The following PCED1B variants were observed in gnomAD, a reference collection of about 807,000 sequenced individuals.
PCED1B encodes the protein PC-esterase domain containing 1B.
For missense variants in PCED1B, 573 were observed against 573.9 expected (o/e 1.00, Z 0.02); for synonymous variants, 251 against 246.1 (o/e 1.02, Z -0.19).
At chr12:47,104,645 C>T (rs1938865197) in intron 2 of PCED1B, among the ~76,000 whole-genome samples, 1 of 152,164 alleles carries the variant, frequency 6.6e-6, no homozygotes, top group South Asian at 2.1e-4. Flanking sequence ...AGGGAAAAAA[C>T]CCAAGTAGTC....
chr12:47,132,530 C>T (rs1302422073), intron 2 of PCED1B, among the ~76,000 whole-genome samples: 1 of 152,114 alleles, frequency 6.6e-6, no homozygotes, highest in Non-Finnish European at 1.5e-5. Flanking sequence ...ATCCATCTCA[C>T]CCAGGATGGT....
chr12:47,112,493 A>G (rs1172357643), intron 2 of PCED1B, among the ~76,000 whole-genome samples: 4 of 152,234 alleles, frequency 2.6e-5, no homozygotes, highest in Non-Finnish European at 4.4e-5. Context: ...GGAGGAAATG[A>G]AGCAACCACT....
At chr12:47,201,791 G>T (rs1942772698) in intron 2 of PCED1B, among the ~76,000 whole-genome samples, 1 of 151,934 alleles carries the variant, frequency 6.6e-6, no homozygotes, top group Non-Finnish European at 1.5e-5. Flanking sequence ...TAGAGATGGG[G>T]GTCTCACCAT....
chr12:47,135,290 T>TTTTTTA (rs1045775734), intron 2 of PCED1B, among the ~76,000 whole-genome samples: 2 of 152,190 alleles, frequency 1.3e-5, no homozygotes, highest in Non-Finnish European at 2.9e-5. Flanking sequence ...GAAAGTTAAT[T>TTTTTTA]TTTTTATTTT....
chr12:47,142,601 T>G (rs1000565362), intron 2 of PCED1B, among the ~76,000 whole-genome samples: 26 of 149,694 alleles, frequency 1.7e-4, no homozygotes, highest in Admixed American at 1.1e-3. Context: ...AAATGAGAAG[T>G]GTAATAAAGA....
chr12:47,114,469 C>T (rs1939333576), intron 2 of PCED1B, among the ~76,000 whole-genome samples: 1 of 152,188 alleles, frequency 6.6e-6, no homozygotes, highest in Non-Finnish European at 1.5e-5. Context: ...TCTGCTCTGT[C>T]GCCTTAGAAC....
At chr12:47,138,467 C>T (rs1940471481) in intron 2 of PCED1B, 2 of 152,310 alleles carry the variant, frequency 1.3e-5, no homozygotes, top group Middle Eastern at 3.4e-3. Flanking sequence ...TTGGTCTTGC[C>T]TTATGCATGA....
intron 2 of PCED1B, among the ~76,000 whole-genome samples, chr12:47,133,433 T>A (rs1387729774): frequency 6.6e-6 from 1 of 152,174 alleles, no homozygotes; most frequent in Non-Finnish European, 1.5e-5. Flanking sequence ...CATGTAATGT[T>A]CAGGTCAGCA....
chr12:47,226,443 G>A (rs979141575), intron 3 of PCED1B, among the ~76,000 whole-genome samples: 3 of 151,942 alleles, frequency 2.0e-5, no homozygotes, highest in Non-Finnish European at 2.9e-5. Context: ...GTGGGATCTC[G>A]GCTCACTGCA....
intron 1 of PCED1B, among the ~76,000 whole-genome samples, chr12:47,100,662 G>A (rs1310390754): frequency 1.3e-5 from 2 of 152,180 alleles, no homozygotes; most frequent in Non-Finnish European, 2.9e-5. Context: ...CTAGAAAAAG[G>A]AGAATAGAAA....
intron 2 of PCED1B, among the ~76,000 whole-genome samples, chr12:47,141,323 C>G (rs1304799537): frequency 6.6e-6 from 1 of 152,154 alleles, no homozygotes; most frequent in Non-Finnish European, 1.5e-5. Flanking sequence ...AGCCTAAGAC[C>G]AAAGATGGCT....
Position 47,235,691 on chromosome 12 carries a change from G to A in PCED1B, c.628G>A (p.Asp210Asn). ...SATEARKHNF[D>N]VLDLHFHFRH... ...CACCGAGGCACGTAAACATAACTTC[G>A]ATGTACTGGACTTGCATTTCCACTT... The change falls in exon 4 of 4, where the codon GAT becomes AAT. Residue 210 changes from aspartate to asparagine, a missense_variant. By Grantham distance (23) the Asp-to-Asn change is conservative (BLOSUM62 1). Transcript: ENST00000546455. The A allele has an allele frequency of 1.2e-6, 2 of 1,613,144 alleles. No individual in the cohort carries two copies. Among genetic ancestry groups the A allele is most frequent in the Middle Eastern group, 1.7e-4 (1 of 6,060 alleles).
rs146890675 is a variant in PCED1B at position 47,207,065 on chromosome 12, G to GCT, written c.-525-9157_-525-9156insCT. Among the ~76,000 whole-genome samples the GCT allele has an allele frequency of 1.8e-3, 268 of 152,290 alleles. 1 individual carries two copies. The highest frequency in any genetic ancestry group is 3.4e-3 in the Middle Eastern group (1 of 294). On this transcript the variant is annotated intron_variant, in intron 2 of 3. Transcript: ENST00000546455. ...ATGGGATTTTAGCAAACAATCAGAT[G>GCT]TTACCAAAATCTTATTAGGAGAACA... is the stretch of plus-strand genomic sequence containing the variant.
rs142128349 is a variant in PCED1B, at chr12:47,100,926, G to T, written c.-608-3187G>T. ...CTATTAAAAATAAAAAAAATTAGCC[G>T]GGCATGGTGATGCATGCCTTATAGT... On this transcript the variant is annotated intron_variant, in intron 1 of 3. Coordinates refer to ENST00000546455, the MANE Select transcript of PCED1B (RefSeq NM_138371.3). 5.4e-3 allele frequency among the ~76,000 whole-genome samples: 824 copies of T among 152,058 alleles called. 13 individuals are homozygous for T. Among genetic ancestry groups the T allele is most frequent in the African/African-American group, 0.019 (794 of 41,506 alleles).
chr12:47,131,122 T>C (rs1940107740), intron 2 of PCED1B, among the ~76,000 whole-genome samples: 1 of 152,234 alleles, frequency 6.6e-6, no homozygotes, highest in African/African-American at 2.4e-5. Context: ...AACATATCCT[T>C]ATTCTATCAC....
chr12:47,167,053 A>C (rs1339549499), intron 2 of PCED1B, among the ~76,000 whole-genome samples: 4 of 152,296 alleles, frequency 2.6e-5, no homozygotes, highest in African/African-American at 9.6e-5. Context: ...TGACCAAGAA[A>C]AGTATGGTAA....
intron 2 of PCED1B, among the ~76,000 whole-genome samples, chr12:47,112,144 G>A (rs17097611): frequency 0.064 from 9,804 of 152,202 alleles, 458 homozygotes; most frequent in African/African-American, 0.13. Flanking sequence ...GGCTTTCCAT[G>A]TCATATGTTG....
At chr12:47,217,889 G>A (rs1035878241) in intron 3 of PCED1B, among the ~76,000 whole-genome samples, 7 of 152,280 alleles carry the variant, frequency 4.6e-5, no homozygotes, top group Non-Finnish European at 1.0e-4. Flanking sequence ...GAGTTCTTAA[G>A]AAGAATAAAG....
At chr12:47,172,929 C>T (rs1214772529) in intron 2 of PCED1B, among the ~76,000 whole-genome samples, 1 of 152,074 alleles carries the variant, frequency 6.6e-6, no homozygotes, top group African/African-American at 2.4e-5. Context: ...TGAGAAGGTA[C>T]CAAAATGTTT....
Sources: allele counts gnomAD v4.1 joint callset (sites outside exome capture counted in the v4.1 genomes callset), GRCh38; gene constraint gnomAD v4.1.1; transcripts MANE v1.5; gene names NCBI Gene and HGNC (gene_info 2026-07-23, HGNC 2026-07-21).